The following TMCO4 variants were observed in gnomAD, a reference collection of about 807,000 sequenced individuals.
The protein encoded by TMCO4 is transmembrane and coiled-coil domain-containing protein 4.
Under a neutral mutation model 64.7 loss-of-function variants are expected in TMCO4, and 58 were observed. The observed-to-expected ratio is 0.90, with a 90% CI of 0.73 to 1.12. The LOEUF is 1.12. TMCO4 is among the 50% of genes most tolerant of loss of function. The pLI is 0.00. For missense variants in TMCO4, 780 were observed against 825.9 expected (o/e 0.94, Z 0.68); for synonymous variants, 325 against 346.1 (o/e 0.94, Z 0.68).
chr1:19,689,216 A>G (rs920845150), intron 15 of TMCO4, among the ~76,000 whole-genome samples: 2 of 152,218 alleles, frequency 1.3e-5, no homozygotes, highest in Admixed American at 1.3e-4. Flanking sequence ...TTCAAGGAAA[A>G]CAGGAGGCCA....
At chr1:19,710,583 G>A (rs1489553888) in intron 13 of TMCO4, among the ~76,000 whole-genome samples, 3 of 152,122 alleles carry the variant, frequency 2.0e-5, no homozygotes, top group Non-Finnish European at 4.4e-5. Context: ...CCTAGCCTCC[G>A]ACACGCCAAG....
At chr1:19,746,934 A>AAC (rs1553141999) in intron 8 of TMCO4, among the ~76,000 whole-genome samples, 66 of 148,950 alleles carry the variant, frequency 4.4e-4, no homozygotes, top group African/African-American at 1.7e-3. Flanking sequence ...AAAAAAAAAA[A>AAC]AAAAAAAAAA....
intron 13 of TMCO4, among the ~76,000 whole-genome samples, chr1:19,731,727 C>A (rs904606214): frequency 6.6e-6 from 1 of 152,182 alleles, no homozygotes; most frequent in African/African-American, 2.4e-5. Context: ...CTGCTTTGTG[C>A]TTTCTGGGGT....
chr1:19,797,925 A>T (rs2044399207), intron 2 of TMCO4: 1 of 139,522 alleles, frequency 7.2e-6, no homozygotes, highest in African/African-American at 3.0e-5. Flanking sequence ...GGAGGGAGGG[A>T]GGGAGAGAGA....
Position 19,759,180 on chromosome 1 carries a change from G to C in TMCO4, c.383-3414C>G, listed in dbSNP as rs150798714. 1.6e-3 allele frequency among the ~76,000 whole-genome samples: 242 copies of C among 147,928 alleles called. 3 individuals carry two copies. The highest frequency in any genetic ancestry group is 5.8e-3 in the African/African-American group (234 of 40,172). On this transcript the variant is annotated intron_variant, in intron 6 of 15. Coordinates refer to ENST00000294543, the MANE Select transcript of TMCO4 (RefSeq NM_181719.7). ...ACCACAAGCCTGGGCATTGCTCTTA[G>C]TTCTTGTTTCCCTGTCCCGACATGT... is the stretch of plus-strand genomic sequence containing the variant.
At chr1:19,718,665 A>AAAAAAAAAAAAAAAAG (rs1450808804) in intron 13 of TMCO4, among the ~76,000 whole-genome samples, 1 of 146,246 alleles carries the variant, frequency 6.8e-6, no homozygotes, top group African/African-American at 2.7e-5. Context: ...AAAAAAAAAA[A>AAAAAAAAAAAAAAAAG]AGAGAGAGAG....
At chr1:19,784,962 G>A (rs2043663571) in intron 3 of TMCO4, among the ~76,000 whole-genome samples, 2 of 152,094 alleles carry the variant, frequency 1.3e-5, no homozygotes, top group South Asian at 4.1e-4. Flanking sequence ...TGGCCCACAG[G>A]CCGAAGATTG....
chr1:19,777,026 C>CAAAAAAAAAAAAAAAAAAAAAAAAAA, intron 4 of TMCO4, among the ~76,000 whole-genome samples: 1 of 82,782 alleles, frequency 1.2e-5, no homozygotes, highest in Non-Finnish European at 2.3e-5. Context: ...GACACTGTCT[C>CAAAAAAAAAAAAAAAAAAAAAAAAAA]AAAAAAAAAA....
At chr1:19,728,860 T>G (rs1003676291) in intron 13 of TMCO4, among the ~76,000 whole-genome samples, 2 of 152,176 alleles carry the variant, frequency 1.3e-5, no homozygotes, top group African/African-American at 4.8e-5. Flanking sequence ...TGTCCCTGTT[T>G]TGCAGATAAG....
intron 15 of TMCO4, among the ~76,000 whole-genome samples, chr1:19,684,674 A>G (rs1369036337): frequency 1.3e-5 from 2 of 152,224 alleles, no homozygotes; most frequent in Non-Finnish European, 2.9e-5. Flanking sequence ...TTTATTCTTT[A>G]GTCACAAGGA....
At chr1:19,733,513 A>G (rs375409573) in intron 13 of TMCO4, among the ~76,000 whole-genome samples, 4 of 152,124 alleles carry the variant, frequency 2.6e-5, no homozygotes, top group Admixed American at 2.0e-4. Context: ...CAGTGACAAG[A>G]AGGAGAAACA....
intron 15 of TMCO4, among the ~76,000 whole-genome samples, chr1:19,691,926 C>G (rs1327841314): frequency 6.6e-6 from 1 of 152,110 alleles, no homozygotes; most frequent in Non-Finnish European, 1.5e-5. Context: ...AGGAGAAACC[C>G]CTTTCACTTG....
At chr1:19,690,438 G>T (rs560146870) in intron 15 of TMCO4, among the ~76,000 whole-genome samples, 37 of 152,382 alleles carry the variant, frequency 2.4e-4, no homozygotes, top group Admixed American at 1.0e-3. Flanking sequence ...CTGCCCAGGT[G>T]CTGCCACTTT....
chr1:19,796,846 T>A (rs2044333828), intron 2 of TMCO4, among the ~76,000 whole-genome samples: 2 of 152,222 alleles, frequency 1.3e-5, no homozygotes, highest in South Asian at 4.1e-4. Flanking sequence ...ATGCTGGGAT[T>A]ACAGGTGTGA....
At position 19,734,342 on chromosome 1, in the gene TMCO4, G is replaced by A. The variant is rs1355339805; in HGVS notation, c.1264+3030C>T. Among the ~76,000 whole-genome samples, 3 of 151,734 alleles carry A rather than the reference G, an allele frequency of 2.0e-5. No individual in the cohort carries two copies. The highest frequency in any genetic ancestry group is 4.9e-5 in the African/African-American group (2 of 41,036). On this transcript the variant is annotated intron_variant, in intron 13 of 15. Transcript: ENST00000294543. The surrounding 1 kb of genome is among the most constrained non-coding windows in gnomAD (Gnocchi z 4.4). ...CCTTGGGGTCTGCCGAGTTGCTGCC[G>A]TGTGAGTGTGTGCAGATGCGTGTAT...
intron 11 of TMCO4, among the ~76,000 whole-genome samples, chr1:19,740,169 C>T (rs576952783): frequency 1.3e-5 from 2 of 152,304 alleles, no homozygotes; most frequent in Admixed American, 6.5e-5. Context: ...GCCCTTGTCA[C>T]GTGTGAGATG....
At chr1:19,744,844 G>A (rs1057036724) in intron 10 of TMCO4, among the ~76,000 whole-genome samples, 3 of 152,148 alleles carry the variant, frequency 2.0e-5, no homozygotes, top group Admixed American at 6.5e-5. Flanking sequence ...TTAGTTACTC[G>A]GTCTGTCTTC....
intron 13 of TMCO4, among the ~76,000 whole-genome samples, chr1:19,725,981 TC>T (rs1461012502): frequency 6.6e-6 from 1 of 152,100 alleles, no homozygotes; most frequent in Non-Finnish European, 1.5e-5. Context: ...TCGAGCATGG[TC>T]CCCTGCAAGA....
chr1:19,741,644 C>T (rs1570845256), intron 10 of TMCO4, among the ~76,000 whole-genome samples: 3 of 152,282 alleles, frequency 2.0e-5, no homozygotes, highest in South Asian at 2.1e-4. Context: ...CCTTGCCCAC[C>T]TGGCTGCCTT....
Sources: gnomAD v4.1 joint callset for allele counts (sites outside exome capture counted in the v4.1 genomes callset) on GRCh38, gnomAD v4.1.1 for gene constraint, Gnocchi (gnomAD v3.1) non-coding constraint, MANE v1.5 for transcripts, NCBI Gene and HGNC (gene_info 2026-07-23, HGNC 2026-07-21) for gene names.